PARD3B: variants seen among roughly 807,000 people sequenced by gnomAD.
The protein encoded by PARD3B is par-3 family cell polarity regulator beta, also known as partitioning defective 3 homolog B.
PARD3B carries 103 observed loss-of-function variants against 130.2 expected under a neutral mutation model. The ratio of observed to expected loss-of-function variants is 0.79; its 90% CI spans 0.67 to 0.93. The LOEUF (loss-of-function observed/expected upper bound fraction) is 0.93, where lower values mean the gene tolerates loss of function less well. Among genes scored for constraint, PARD3B ranks in the 40% least tolerant of loss-of-function variants. The probability of loss-of-function intolerance (pLI) is 0.00; values close to 1 mark genes in which losing one functional copy is unlikely to be tolerated. For synonymous variants in PARD3B, 583 were observed against 553.2 expected (o/e 1.05, Z -0.76); for missense variants, 1,609 against 1,499.2 (o/e 1.07, Z -1.21).
At chr2:204,816,958 A>G (rs538766055) in intron 2 of PARD3B, among the ~76,000 whole-genome samples, 1 of 151,716 alleles carries the variant, frequency 6.6e-6, no homozygotes, top group African/African-American at 2.4e-5. Context: ...TATGATTTCT[A>G]TTGCTATGTC....
intron 22 of PARD3B, among the ~76,000 whole-genome samples, chr2:205,595,096 T>C (rs574391538): frequency 7.2e-5 from 11 of 152,222 alleles, no homozygotes; most frequent in Admixed American, 2.0e-4. Flanking sequence ...ATTTTACACA[T>C]GAGGTTATTG....
At chr2:204,779,700 C>G (rs955796126) in intron 2 of PARD3B, among the ~76,000 whole-genome samples, 1 of 152,056 alleles carries the variant, frequency 6.6e-6, no homozygotes, top group African/African-American at 2.4e-5. Context: ...TTAAGGAAGC[C>G]CAGGGTTGTG....
At chr2:205,322,032 C>T (rs1357073371) in intron 18 of PARD3B, among the ~76,000 whole-genome samples, 1 of 152,178 alleles carries the variant, frequency 6.6e-6, no homozygotes, top group Non-Finnish European at 1.5e-5. Flanking sequence ...TGAATACCAT[C>T]TCTTTCTCAG....
At chr2:204,694,789 T>C (rs575461433) in intron 2 of PARD3B, among the ~76,000 whole-genome samples, 1 of 152,160 alleles carries the variant, frequency 6.6e-6, no homozygotes, top group Admixed American at 6.6e-5. Flanking sequence ...ATAGTGTGTA[T>C]GGGTGTATGT....
In PARD3B at chr2:205,300,450, CAG is replaced by C. The variant is rs1243003451; in HGVS notation, c.2186-78_2186-77del. On this transcript the variant is annotated intron_variant, in intron 16 of 22. Transcript: ENST00000406610. This position sits in a 1 kb window ranked among gnomAD's most constrained non-coding sequence, Gnocchi z 4.1. ...ACACCCCTTTTTTGGGATGTCCAGACAGAAATATTCTTAGAACAATAGCATTA... is the reference window on the plus strand; with the variant it reads ...ACACCCCTTTTTTGGGATGTCCAGACAAATATTCTTAGAACAATAGCATTA... 3.0e-6 allele frequency: 4 copies of C among 1,342,682 alleles called. No homozygotes were observed. In the East Asian group the frequency reaches 7.0e-5, roughly 23 times the overall value. 83.2% of individuals were successfully genotyped at this position (1,342,682 alleles called of 1,614,324 possible).
At chr2:205,331,805 A>C (rs1574722834) in intron 18 of PARD3B, among the ~76,000 whole-genome samples, 1 of 147,940 alleles carries the variant, frequency 6.8e-6, no homozygotes, top group African/African-American at 2.5e-5. Context: ...AAAAAAAAAA[A>C]GAAGTAGAGC....
chr2:204,764,130 AGGGCCCCAAAGAGG>A (rs1388167488), intron 2 of PARD3B, among the ~76,000 whole-genome samples: 1 of 152,136 alleles, frequency 6.6e-6, no homozygotes, highest in East Asian at 1.9e-4. Context: ...CCACAGAGAG[AGGGCCCCAAAGAGG>A]GTTGCTGTTT....
chr2:205,208,707 A>G lies in PARD3B; in HGVS notation c.2140+15387A>G, dbSNP rs918545800. Among the ~76,000 whole-genome samples, 18 of 145,004 alleles carry G rather than the reference A, an allele frequency of 1.2e-4. 2 individuals carry two copies. Among genetic ancestry groups the G allele is most frequent in the East Asian group, 1.2e-3 (6 of 5,106 alleles). ...AAGGAGAACTACAAACCACTGCTCA[A>G]TGAAATAAAAGAGGATACAAACAAA... On this transcript the variant is annotated intron_variant, in intron 15 of 22. Transcript: ENST00000406610.
intron 2 of PARD3B, among the ~76,000 whole-genome samples, chr2:204,754,972 AG>A (rs1362402615): frequency 6.6e-6 from 1 of 152,152 alleles, no homozygotes; most frequent in African/African-American, 2.4e-5. Flanking sequence ...TTCTCAGTTA[AG>A]GGACAGCTTC....
chr2:205,202,842 A>G (rs1185653769), intron 15 of PARD3B, among the ~76,000 whole-genome samples: 1 of 152,162 alleles, frequency 6.6e-6, no homozygotes, highest in African/African-American at 2.4e-5. Flanking sequence ...TACATCTCCT[A>G]CAAGTTTTTC....
intron 20 of PARD3B, among the ~76,000 whole-genome samples, chr2:205,456,934 T>C (rs1345225094): frequency 1.3e-5 from 2 of 150,630 alleles, no homozygotes; most frequent in East Asian, 1.9e-4. Context: ...ATAAATTTAA[T>C]AAATTTAATA....
intron 2 of PARD3B, among the ~76,000 whole-genome samples, chr2:204,796,490 A>T (rs920577510): frequency 8.5e-5 from 13 of 152,212 alleles, no homozygotes; most frequent in African/African-American, 3.1e-4. Context: ...TCAAAGCCTA[A>T]CAAGCTCAGT....
Position 205,091,184 on chromosome 2 carries a change from T to A in PARD3B, c.505-13242T>A, listed in dbSNP as rs1445071116. Among the ~76,000 whole-genome samples the A allele has an allele frequency of 1.3e-5, 2 of 152,168 alleles. No homozygotes were observed. Among genetic ancestry groups the A allele is most frequent in the Non-Finnish European group, 2.9e-5 (2 of 68,026 alleles). ...AGGCTGAAGTTTTTCAACCCCAAAG[T>A]AGCCAACAAATGGAATAGAAGTTAA... On this transcript the variant is annotated intron_variant, in intron 4 of 22. Transcript: ENST00000406610. The surrounding 1 kb of genome is among the most constrained non-coding windows in gnomAD (Gnocchi z 4.2).
chr2:205,116,539 T>C lies in PARD3B; in HGVS notation c.681-2382T>C, dbSNP rs901607907. On this transcript the variant is annotated intron_variant, in intron 6 of 22. Transcript: ENST00000406610. This position sits in a 1 kb window ranked among gnomAD's most constrained non-coding sequence, Gnocchi z 4.5. Reference sequence around the variant, plus strand: ...CTTTATCACTGTTCATTAATGCAAATTAACTGGTTAGTCTCGGCCTATAAC... The same window carrying C: ...CTTTATCACTGTTCATTAATGCAAACTAACTGGTTAGTCTCGGCCTATAAC... Among the ~76,000 whole-genome samples the C allele has an allele frequency of 3.9e-5, 6 of 152,212 alleles. No individual in the cohort carries two copies. The highest frequency in any genetic ancestry group is 7.3e-5 in the Non-Finnish European group (5 of 68,030).
At chr2:205,517,301 T>C (rs1229016999) in intron 21 of PARD3B, among the ~76,000 whole-genome samples, 1 of 152,140 alleles carries the variant, frequency 6.6e-6, no homozygotes, top group East Asian at 1.9e-4. Context: ...GAGGAGTTTC[T>C]CTTGAGAGGG....
intron 11 of PARD3B, among the ~76,000 whole-genome samples, chr2:205,165,081 T>C (rs11691231): frequency 0.34 from 52,000 of 151,876 alleles, 9,360 homozygotes; most frequent in East Asian, 0.4. Context: ...CTTCCGAAAT[T>C]CTAACCTAGT....
intron 1 of PARD3B, among the ~76,000 whole-genome samples, chr2:204,648,590 T>C (rs1350787206): frequency 8.0e-6 from 1 of 125,524 alleles, no homozygotes; most frequent in African/African-American, 3.2e-5. Context: ...TATATTATAT[T>C]ATATATAATA....
At chr2:205,488,785 G>A (rs147971817) in intron 20 of PARD3B, among the ~76,000 whole-genome samples, 1 of 152,246 alleles carries the variant, frequency 6.6e-6, no homozygotes, top group East Asian at 1.9e-4. Context: ...TTCGTTAAAT[G>A]GAATGTCCAA....
intron 21 of PARD3B, among the ~76,000 whole-genome samples, chr2:205,548,733 C>G (rs1236460200): frequency 5.3e-5 from 8 of 151,884 alleles, no homozygotes; most frequent in Admixed American, 5.3e-4. Context: ...TGATATAAGA[C>G]CAAAGGCATG....
Sources: gnomAD v4.1 joint callset for allele counts (sites outside exome capture counted in the v4.1 genomes callset) on GRCh38, gnomAD v4.1.1 for gene constraint, Gnocchi (gnomAD v3.1) non-coding constraint, MANE v1.5 for transcripts, NCBI Gene and HGNC (gene_info 2026-07-23, HGNC 2026-07-21) for gene names.